The following ABCA5 variants were observed in gnomAD, a reference collection of about 807,000 sequenced individuals.
ABCA5 encodes cholesterol transporter ABCA5.
Under a neutral mutation model 206.0 loss-of-function variants are expected in ABCA5, and 163 were observed. The ratio of observed to expected loss-of-function variants is 0.79; its 90% CI spans 0.70 to 0.90. The LOEUF (loss-of-function observed/expected upper bound fraction) is 0.90. Among genes scored for constraint, ABCA5 ranks in the 40% least tolerant of loss-of-function variants. The probability of loss-of-function intolerance (pLI) is 0.00; values close to 1 mark genes in which losing one functional copy is unlikely to be tolerated. For missense variants in ABCA5, 1,859 were observed against 1,912.9 expected (o/e 0.97, Z 0.53); for synonymous variants, 609 against 613.8 (o/e 0.99, Z 0.11).
At chr17:69,299,541 C>T (rs2075629516) in intron 9 of ABCA5, among the ~76,000 whole-genome samples, 1 of 148,898 alleles carries the variant, frequency 6.7e-6, no homozygotes, top group East Asian at 2.0e-4. Flanking sequence ...AAAATAATGC[C>T]ATTTGCAGCA....
chr17:69,299,955 TG>T lies in ABCA5; in HGVS notation c.1267+1183del, dbSNP rs372183431. Among the ~76,000 whole-genome samples, 143 of 152,284 alleles carry T rather than the reference TG, an allele frequency of 9.4e-4. 1 individual carries two copies. In the East Asian group the frequency reaches 0.026, roughly 28 times the overall value. On this transcript the variant is annotated intron_variant, in intron 9 of 38. Transcript: ENST00000392676. ...CTAGACTAGTGGTCCCCAGCCTTTT[TG>T]GCACCAGGGACTGGTTTTGTGATAG...
intron 1 of ABCA5, among the ~76,000 whole-genome samples, chr17:69,324,393 A>G (rs2075884778): frequency 6.6e-6 from 1 of 152,238 alleles, no homozygotes; most frequent in African/African-American, 2.4e-5. Flanking sequence ...CAGAGGCATA[A>G]GGCAAAGTGA....
At chr17:69,311,252 A>G (rs2075765506) in intron 3 of ABCA5, among the ~76,000 whole-genome samples, 1 of 152,086 alleles carries the variant, frequency 6.6e-6, no homozygotes, top group South Asian at 2.1e-4. Context: ...CTTAAATGTT[A>G]ATTAATAGAT....
intron 5 of ABCA5, among the ~76,000 whole-genome samples, chr17:69,307,188 T>G (rs2075727104): frequency 6.6e-6 from 1 of 151,570 alleles, no homozygotes; most frequent in Non-Finnish European, 1.5e-5. Context: ...AGTCAGTAAG[T>G]GTATAAATTT....
At chr17:69,249,724 T>A in intron 37 of ABCA5, 181 bp downstream of exon 37, 1 of 715,078 alleles carries the variant, frequency 1.4e-6, no homozygotes, top group Non-Finnish European at 2.2e-6. Context: ...TCTGCCATAG[T>A]TTCTAAAATA....
At chr17:69,307,284 T>C (rs1457508633) in intron 5 of ABCA5, among the ~76,000 whole-genome samples, 1 of 152,048 alleles carries the variant, frequency 6.6e-6, no homozygotes, top group Non-Finnish European at 1.5e-5. Flanking sequence ...AAAATATACA[T>C]CTTCAAAATT....
At chr17:69,318,678 T>A in intron 1 of ABCA5, 1 of 436,324 alleles carries the variant, frequency 2.3e-6, no homozygotes. Flanking sequence ...TACATTAAAA[T>A]AAATTCTTCC....
At chr17:69,286,162 CATA>C in intron 16 of ABCA5, 56 bp downstream of exon 16, 2 of 1,555,538 alleles carry the variant, frequency 1.3e-6, no homozygotes, top group Non-Finnish European at 1.8e-6. Flanking sequence ...AAGCCTCCAA[CATA>C]ATAACAGTAT....
In ABCA5 at chr17:69,264,880, A is replaced by C. The variant is rs1598158322; in HGVS notation, c.3170T>G (p.Leu1057Arg). 1 of 1,554,948 alleles carries C rather than the reference A, an allele frequency of 6.4e-7. No individual in the cohort carries two copies. The change falls in exon 24 of 39, where the codon CTT becomes CGT. Residue 1057 changes from leucine to arginine, a missense_variant. Physicochemically the swap from Leu to Arg is moderately radical, Grantham distance 102. Transcript: ENST00000392676. ...HKIKAYTQLK[L>R]SGLLPSAYWI... ...ATATGCAGATGGCAAAAGACCTGAA[A>C]GTTTAAGTTGAGTATAAGCTTTGAT...
At chr17:69,263,564 T>C (rs535647555) in intron 24 of ABCA5, among the ~76,000 whole-genome samples, 124 of 152,278 alleles carry the variant, frequency 8.1e-4, no homozygotes, top group African/African-American at 2.9e-3. Context: ...TTCTGGGTCC[T>C]CCATTCTGTT....
intron 8 of ABCA5, among the ~76,000 whole-genome samples, chr17:69,301,781 T>C (rs1005087368): frequency 6.6e-6 from 1 of 152,146 alleles, no homozygotes; most frequent in East Asian, 1.9e-4. Flanking sequence ...GAAAGAGAAA[T>C]GTACTGGAGG....
chr17:69,304,551 A>G (rs1424914906), intron 7 of ABCA5, 118 bp downstream of exon 7: 12 of 812,472 alleles, frequency 1.5e-5, no homozygotes, highest in Non-Finnish European at 2.1e-5. Context: ...TCACTTATCA[A>G]TTAGTAAAAT....
intron 11 of ABCA5, among the ~76,000 whole-genome samples, chr17:69,293,391 G>C (rs1423571250): frequency 6.6e-6 from 1 of 152,130 alleles, no homozygotes; most frequent in African/African-American, 2.4e-5. Flanking sequence ...TCTTGAGGCA[G>C]AACTCCTTCT....
At chr17:69,269,884 A>G (rs886543940) in intron 22 of ABCA5, among the ~76,000 whole-genome samples, 4 of 152,174 alleles carry the variant, frequency 2.6e-5, no homozygotes, top group African/African-American at 7.2e-5. Context: ...AGAAACAGAA[A>G]GTACATTAGT....
At chr17:69,309,611 G>A (rs1188318873) in intron 3 of ABCA5, among the ~76,000 whole-genome samples, 188 bp from the exon 4 acceptor site, 1 of 152,160 alleles carries the variant, frequency 6.6e-6, no homozygotes, top group Non-Finnish European at 1.5e-5. Flanking sequence ...GGAAGACCAA[G>A]ATGGGAGGAT....
At chr17:69,266,026 G>A (rs2144923625) in intron 23 of ABCA5, among the ~76,000 whole-genome samples, 1 of 152,212 alleles carries the variant, frequency 6.6e-6, no homozygotes, top group East Asian at 1.9e-4. Context: ...CAATCCAAAT[G>A]TTCTTCAACA....
intron 4 of ABCA5, among the ~76,000 whole-genome samples, chr17:69,308,752 A>T (rs2075743259): frequency 6.6e-6 from 1 of 152,152 alleles, no homozygotes; most frequent in African/African-American, 2.4e-5. Context: ...GAATTTTCAG[A>T]AGGGCTTTTT....
chr17:69,299,726 AAG>A (rs1048496353), intron 9 of ABCA5, among the ~76,000 whole-genome samples: 1 of 152,084 alleles, frequency 6.6e-6, no homozygotes, highest in African/African-American at 2.4e-5. Flanking sequence ...TGAGGGATAA[AAG>A]AATACACACT....
chr17:69,299,471 TACACACACACACAC>T (rs71144671), intron 9 of ABCA5, among the ~76,000 whole-genome samples: 1 of 142,400 alleles, frequency 7.0e-6, no homozygotes, highest in Non-Finnish European at 1.5e-5. Context: ...CACACACACA[TACACACACACACAC>T]ACACACACAC....
Sources: allele counts gnomAD v4.1 joint callset (sites outside exome capture counted in the v4.1 genomes callset), GRCh38; gene constraint gnomAD v4.1.1; transcripts MANE v1.5; gene names NCBI Gene and HGNC (gene_info 2026-07-23, HGNC 2026-07-21).